ABI1: variants seen among roughly 807,000 people sequenced by gnomAD.
ABI1 encodes the protein abl interactor 1.
ABI1 carries 14 observed loss-of-function variants against 54.6 expected under a neutral mutation model. The observed-to-expected ratio is 0.26, with a 90% CI of 0.17 to 0.40. The LOEUF (loss-of-function observed/expected upper bound fraction) is 0.40, where lower values mean the gene tolerates loss of function less well. Among genes scored for constraint, ABI1 ranks in the 10% least tolerant of loss-of-function variants. The pLI is 1.00. For missense variants in ABI1, 443 were observed against 598.3 expected (o/e 0.74, Z 2.71); for synonymous variants, 194 against 209.3 (o/e 0.93, Z 0.63).
At chr10:26,767,302 T>C (rs1469362472) in intron 6 of ABI1, among the ~76,000 whole-genome samples, 3 of 152,194 alleles carry the variant, frequency 2.0e-5, no homozygotes, top group Non-Finnish European at 4.4e-5. Flanking sequence ...CCAATAGTAA[T>C]AAATACCGCT....
At chr10:26,799,269 T>TA (rs2046388704) in intron 2 of ABI1, among the ~76,000 whole-genome samples, 1 of 152,000 alleles carries the variant, frequency 6.6e-6, no homozygotes, top group African/African-American at 2.4e-5. Flanking sequence ...TAATATATAG[T>TA]ATATTAATAT....
intron 2 of ABI1, among the ~76,000 whole-genome samples, chr10:26,785,481 G>C (rs1393668398): frequency 1.3e-5 from 2 of 152,128 alleles, no homozygotes; most frequent in African/African-American, 4.8e-5. Flanking sequence ...CAGCACTTTG[G>C]GAGGCCGAGT....
chr10:26,856,016 G>A (rs2050777542), intron 1 of ABI1, among the ~76,000 whole-genome samples: 1 of 148,778 alleles, frequency 6.7e-6, no homozygotes, highest in Admixed American at 6.7e-5. Flanking sequence ...GCTGGGCATG[G>A]TGGCTCACAC....
intron 7 of ABI1, among the ~76,000 whole-genome samples, chr10:26,762,060 G>A (rs967696488): frequency 8.5e-5 from 13 of 152,074 alleles, no homozygotes; most frequent in Middle Eastern, 3.2e-3. Context: ...AGGCTAGAGC[G>A]CAGTGGCACA....
chr10:26,767,221 T>C (rs1840071280), intron 6 of ABI1, among the ~76,000 whole-genome samples: 1 of 152,228 alleles, frequency 6.6e-6, no homozygotes, highest in South Asian at 2.1e-4. Flanking sequence ...GAGAACAATT[T>C]TGTTCCTCAA....
At chr10:26,832,908 T>C (rs1468944732) in intron 1 of ABI1, among the ~76,000 whole-genome samples, 1 of 152,164 alleles carries the variant, frequency 6.6e-6, no homozygotes, top group Non-Finnish European at 1.5e-5. Context: ...CATACATATA[T>C]GCAATGCCTA....
rs917359687 is a variant in ABI1 at position 26,860,370 on chromosome 10, G to A, written c.117+377C>T. Among the ~76,000 whole-genome samples, 2 of 152,068 alleles carry A rather than the reference G, an allele frequency of 1.3e-5. No individual in the cohort carries two copies. Among genetic ancestry groups the A allele is most frequent in the African/African-American group, 4.8e-5 (2 of 41,394 alleles). On this transcript the variant is annotated intron_variant, in intron 1 of 10. Transcript: ENST00000376140. The surrounding 1 kb of genome is among the most constrained non-coding windows in gnomAD (Gnocchi z 4.1). ...AGAGAGGCGGCGCGGCGGCAGCTCG[G>A]GGGTATTCCGGGACTCCAGCCCTGC...
chr10:26,759,304 G>T (rs1838785965), intron 7 of ABI1, 66 bp from the exon 8 acceptor site: 2 of 1,401,968 alleles, frequency 1.4e-6, no homozygotes, highest in Admixed American at 2.2e-5. Context: ...TTAGATGGCA[G>T]AACAAAGCAG....
intron 1 of ABI1, among the ~76,000 whole-genome samples, chr10:26,828,037 T>A (rs893911783): frequency 6.6e-6 from 1 of 152,234 alleles, no homozygotes; most frequent in African/African-American, 2.4e-5. Context: ...TGACTTGCCT[T>A]CCTCGCTAAG....
At chr10:26,769,831 C>T (rs746062154) in intron 5 of ABI1, among the ~76,000 whole-genome samples, 2 of 152,030 alleles carry the variant, frequency 1.3e-5, no homozygotes, top group African/African-American at 4.8e-5. Context: ...CACCAATAGG[C>T]GAAACAGAAG....
chr10:26,771,008 G>T, intron 4 of ABI1, 67 bp downstream of exon 4: 1 of 1,531,590 alleles, frequency 6.5e-7, no homozygotes. Flanking sequence ...TCAAATTTTA[G>T]TGGCTCTGCA....
chr10:26,791,055 T>A (rs1404461829), intron 2 of ABI1, among the ~76,000 whole-genome samples: 4 of 92,314 alleles, frequency 4.3e-5, no homozygotes, highest in African/African-American at 9.3e-5. Flanking sequence ...CAGGTAAGAG[T>A]AAGATTCCGT....
intron 4 of ABI1, 127 bp from the exon 5 acceptor site, chr10:26,770,472 C>T (rs1840547523): frequency 2.1e-6 from 2 of 969,538 alleles, no homozygotes; most frequent in African/African-American, 1.6e-5. Flanking sequence ...TGAATAAAGA[C>T]TTTGGTACTA....
At chr10:26,815,799 T>A (rs956322728) in intron 2 of ABI1, among the ~76,000 whole-genome samples, 5 of 152,168 alleles carry the variant, frequency 3.3e-5, no homozygotes, top group Non-Finnish European at 7.4e-5. Flanking sequence ...TGGTCCCAGC[T>A]ACTCAGGAGG....
At chr10:26,830,566 G>A (rs895470755) in intron 1 of ABI1, among the ~76,000 whole-genome samples, 1 of 150,416 alleles carries the variant, frequency 6.6e-6, no homozygotes, top group Non-Finnish European at 1.5e-5. Flanking sequence ...GCTGCAATGA[G>A]CTGTGATTGC....
chr10:26,860,694 C>T lies in ABI1; in HGVS notation c.117+53G>A. On this transcript the variant is annotated intron_variant, in intron 1 of 10. Coordinates refer to ENST00000376140, the MANE Select transcript of ABI1 (RefSeq NM_001012750.3). The surrounding 1 kb of genome is among the most constrained non-coding windows in gnomAD (Gnocchi z 4.1). ...CCCACCCCGCCCAGTGGGCTGGTCA[C>T]TCCGGCGGGTCCTCGACCCGGCCAG... is the stretch of plus-strand genomic sequence containing the variant. 1.4e-6 allele frequency: 2 copies of T among 1,460,592 alleles called. No individual in the cohort carries two copies. Among genetic ancestry groups the T allele is most frequent in the Non-Finnish European group, 1.9e-6 (2 of 1,043,464 alleles). The allele number at this position is 1,460,592 out of a possible 1,614,324, so 90.5% of individuals were successfully genotyped here. A position where few individuals can be genotyped will look rare whatever the true frequency, so the allele number is the denominator to read the frequency against.
intron 2 of ABI1, among the ~76,000 whole-genome samples, chr10:26,793,523 C>T (rs1843730663): frequency 6.6e-6 from 1 of 152,176 alleles, no homozygotes; most frequent in African/African-American, 2.4e-5. Flanking sequence ...CTGGGAAAAA[C>T]TGAATCTGTC....
Position 26,823,313 on chromosome 10 carries a change from A to T in ABI1, c.118-8T>A. 6.6e-7 allele frequency: 1 copy of T among 1,508,734 alleles called. No homozygotes were observed. The allele number at this position is 1,508,734 out of a possible 1,614,324, so 93.5% of individuals were successfully genotyped here. On this transcript the variant is annotated splice_polypyrimidine_tract_variant and splice_region_variant and intron_variant, in intron 1 of 10. Transcript: ENST00000376140. ...TTTTCTCTTGTCTGTAGCCTGAAAT[A>T]AGAACAAAAACAACAAATACTTATT...
chr10:26,753,982 A>G (rs1396531465), intron 9 of ABI1, among the ~76,000 whole-genome samples: 1 of 152,158 alleles, frequency 6.6e-6, no homozygotes, highest in Non-Finnish European at 1.5e-5. Context: ...CACAAAACTG[A>G]TGTTCATTAT....
Sources: allele counts gnomAD v4.1 joint callset (sites outside exome capture counted in the v4.1 genomes callset), GRCh38; gene constraint gnomAD v4.1.1; non-coding constraint Gnocchi (gnomAD v3.1); transcripts MANE v1.5; gene names NCBI Gene and HGNC (gene_info 2026-07-23, HGNC 2026-07-21).